The following PNPLA7 variants were observed in gnomAD, a reference collection of about 807,000 sequenced individuals.
The protein encoded by PNPLA7 is patatin-like phospholipase domain-containing protein 7.
In PNPLA7, 153 loss-of-function variants were observed where a neutral mutation model predicts 161.7. The observed-to-expected ratio is 0.95, with a 90% CI of 0.83 to 1.08. PNPLA7 has a LOEUF of 1.08. Ranked by LOEUF, PNPLA7 falls within the 50% of genes least tolerant of loss-of-function variation. The pLI is 0.00. For missense variants in PNPLA7, 1,739 were observed against 1,856.6 expected (o/e 0.94, Z 1.16); for synonymous variants, 809 against 782.1 (o/e 1.03, Z -0.57).
intron 20 of PNPLA7, among the ~76,000 whole-genome samples, chr9:137,489,888 T>C (rs1832683976): frequency 6.6e-6 from 1 of 152,170 alleles, no homozygotes; most frequent in Non-Finnish European, 1.5e-5. Context: ...CTAACACTTG[T>C]GCCACTTTAT....
At chr9:137,463,266 G>A in intron 29 of PNPLA7, 149 bp downstream of exon 29, 1 of 719,024 alleles carries the variant, frequency 1.4e-6, no homozygotes, top group South Asian at 1.8e-5. Context: ...GAGCTCTGAT[G>A]CCAGCCTGAC....
At position 137,467,989 on chromosome 9, in the gene PNPLA7, G is replaced by A. The variant is rs2132084720; in HGVS notation, c.2883-516C>T. ...GTGAGGCTGGGATGGGGAGGAAGGT[G>A]TCCTGAGAGTTGACCGGCATTGGCC... On this transcript the variant is annotated intron_variant, in intron 25 of 34. Transcript: ENST00000406427. This position sits in a 1 kb window ranked among gnomAD's most constrained non-coding sequence, Gnocchi z 5.1. Among the ~76,000 whole-genome samples, 1 of 152,228 alleles carries A rather than the reference G, an allele frequency of 6.6e-6. No individual in the cohort carries two copies. The highest frequency in any genetic ancestry group is 2.1e-4 in the South Asian group (1 of 4,806).
At position 137,523,191 on chromosome 9, in the gene PNPLA7, C is replaced by T. The variant is rs151313096; in HGVS notation, c.748-334G>A. On this transcript the variant is annotated intron_variant, in intron 8 of 34. Coordinates refer to ENST00000406427, the MANE Select transcript of PNPLA7 (RefSeq NM_001098537.3). This position sits in a 1 kb window ranked among gnomAD's most constrained non-coding sequence, Gnocchi z 4.4. ...TGAGGCTCACGGACCAGCTCACCAG[C>T]GTCCTACTCTACGTCCGACATCAGC... Among the ~76,000 whole-genome samples, 3 of 152,330 alleles carry T rather than the reference C, an allele frequency of 2.0e-5. No homozygotes were observed. The highest frequency in any genetic ancestry group is 4.8e-5 in the African/African-American group (2 of 41,572).
At chr9:137,492,948 G>C in intron 20 of PNPLA7, 65 bp downstream of exon 20, 1 of 1,491,880 alleles carries the variant, frequency 6.7e-7, no homozygotes, top group Non-Finnish European at 9.2e-7. Flanking sequence ...CATGGGCTGG[G>C]TGGGCGGGGC....
chr9:137,461,471 C>G, intron 33 of PNPLA7, 65 bp downstream of exon 33: 2 of 1,494,748 alleles, frequency 1.3e-6, no homozygotes, highest in Non-Finnish European at 1.8e-6. Flanking sequence ...TGGGGGGGTT[C>G]AAGCCCAACA....
In PNPLA7 at chr9:137,547,215, G is replaced by A. The variant is rs552462615; in HGVS notation, c.193+94C>T. 1.3e-4 allele frequency: 158 copies of A among 1,236,928 alleles called. No homozygotes were observed. Among genetic ancestry groups the A allele is most frequent in the Middle Eastern group, 1.1e-3 (6 of 5,334 alleles). 76.6% of individuals were successfully genotyped at this position (1,236,928 alleles called of 1,614,324 possible). A position where few individuals can be genotyped will look rare whatever the true frequency, so the allele number is the denominator to read the frequency against. On this transcript the variant is annotated intron_variant, in intron 3 of 34. Coordinates refer to ENST00000406427, the MANE Select transcript of PNPLA7 (RefSeq NM_001098537.3). This position sits in a 1 kb window ranked among gnomAD's most constrained non-coding sequence, Gnocchi z 4.6. ...CAGATTCTAGCCAAAGCCACCATGC[G>A]CTTGAGGGCCCCTCCCAGGGGCTCA...
rs755659614 is a variant in PNPLA7, at chr9:137,521,624, G to T, written c.957+12C>A. On this transcript the variant is annotated intron_variant, in intron 10 of 34. Coordinates refer to ENST00000406427, the MANE Select transcript of PNPLA7 (RefSeq NM_001098537.3). ...GAGCAGCATGGGGCTTTGTGAGGTG[G>T]TTTTCACTTACAGCGTTGAAGAGCT... 15 of 1,611,846 alleles carry T rather than the reference G, an allele frequency of 9.3e-6. No individual in the cohort carries two copies. Among genetic ancestry groups the T allele is most frequent in the Non-Finnish European group, 1.3e-5 (15 of 1,179,586 alleles).
At chr9:137,501,255 G>A (rs757014728) in intron 15 of PNPLA7, among the ~76,000 whole-genome samples, 7 of 152,184 alleles carry the variant, frequency 4.6e-5, no homozygotes, top group Non-Finnish European at 4.4e-5. Flanking sequence ...GCCTCTGAGG[G>A]GTGGGCTCCT....
At chr9:137,538,160 C>T (rs956261013) in intron 8 of PNPLA7, among the ~76,000 whole-genome samples, 1 of 152,230 alleles carries the variant, frequency 6.6e-6, no homozygotes, top group African/African-American at 2.4e-5. Flanking sequence ...GAGCACCGGC[C>T]TTCTAACGGC....
At chr9:137,489,815 G>C (rs957884618) in intron 20 of PNPLA7, among the ~76,000 whole-genome samples, 1 of 152,058 alleles carries the variant, frequency 6.6e-6, no homozygotes, top group Non-Finnish European at 1.5e-5. Flanking sequence ...ACATCAGAGA[G>C]AGAAAAAAAA....
intron 26 of PNPLA7, among the ~76,000 whole-genome samples, chr9:137,466,366 G>A (rs1286413881): frequency 6.8e-6 from 1 of 146,070 alleles, no homozygotes; most frequent in Non-Finnish European, 1.5e-5. Context: ...TCAGACCCGG[G>A]CACAGATCAG....
At chr9:137,516,377 C>G (rs1275254920) in intron 11 of PNPLA7, 1 of 984,868 alleles carries the variant, frequency 1.0e-6, no homozygotes, top group Non-Finnish European at 1.2e-6. Context: ...TGGACACTGT[C>G]CTTACCTACA....
chr9:137,501,591 C>T (rs1833419800), intron 15 of PNPLA7, 59 bp downstream of exon 15: 2 of 1,529,500 alleles, frequency 1.3e-6, no homozygotes, highest in African/African-American at 1.4e-5. Context: ...TGGTGCTCCA[C>T]TTGGCACTGG....
chr9:137,547,045 G>T lies in PNPLA7; in HGVS notation c.194-136C>A. The T allele has an allele frequency of 1.2e-6, 1 of 834,906 alleles. No homozygotes were observed. The allele number at this position is 834,906 out of a possible 1,614,324, so 51.7% of individuals were successfully genotyped here. A position where few individuals can be genotyped will look rare whatever the true frequency, so the allele number is the denominator to read the frequency against. Reference sequence around the variant, plus strand: ...ATACTCAGACAGCATGAGGGAAGAGGGCCTGAGTGACAGGCTCATCTCCAA... The same window carrying T: ...ATACTCAGACAGCATGAGGGAAGAGTGCCTGAGTGACAGGCTCATCTCCAA... On this transcript the variant is annotated intron_variant, in intron 3 of 34. Transcript: ENST00000406427. The surrounding 1 kb of genome is among the most constrained non-coding windows in gnomAD (Gnocchi z 4.6).
chr9:137,529,897 G>C (rs959455032), intron 8 of PNPLA7, among the ~76,000 whole-genome samples: 1 of 151,708 alleles, frequency 6.6e-6, no homozygotes, highest in Admixed American at 6.6e-5. Context: ...GACCTCATGT[G>C]ATCCGCCCGC....
chr9:137,472,204 G>T (rs890233830), intron 25 of PNPLA7, among the ~76,000 whole-genome samples: 1 of 152,022 alleles, frequency 6.6e-6, no homozygotes, highest in African/African-American at 2.4e-5. Flanking sequence ...TCTGACAGGG[G>T]CCTCAGCAGT....
Position 137,519,938 on chromosome 9 carries a change from G to A in PNPLA7, c.1063C>T (p.Leu355Phe), listed in dbSNP as rs780703187. ...EEERLKKPPR[L>F]QESCDSDHGG... is the part of the protein sequence containing the mutation. Reference sequence around the variant, plus strand: ...GTACCTGAGTCACAGGACTCCTGGAGCCGCGGTGGCTTTTTAAGCCGCTCT... The same window carrying A: ...GTACCTGAGTCACAGGACTCCTGGAACCGCGGTGGCTTTTTAAGCCGCTCT... Residue 355 changes from leucine (L) to phenylalanine (F), a missense_variant, in exon 11 of 35, where the codon CTC becomes TTC. Leu to Phe is a conservative substitution (Grantham distance 22). This residue lies in a region of PNPLA7 where 481 missense variants were observed against 450.0 expected (regional missense o/e 1.07). Coordinates refer to ENST00000406427, the MANE Select transcript of PNPLA7 (RefSeq NM_001098537.3). 2 of 1,612,618 alleles carry A rather than the reference G, an allele frequency of 1.2e-6. No homozygotes were observed. Among genetic ancestry groups the A allele is most frequent in the Non-Finnish European group, 1.7e-6 (2 of 1,179,854 alleles).
chr9:137,522,241 A>AT (rs1325186120), intron 9 of PNPLA7, among the ~76,000 whole-genome samples: 1 of 152,116 alleles, frequency 6.6e-6, no homozygotes, highest in Admixed American at 6.5e-5. Flanking sequence ...CGCCTGGCTA[A>AT]TTTTTTGTAT....
At chr9:137,497,155 TG>T (rs1466727474) in intron 18 of PNPLA7, 31 bp downstream of exon 18, 11 of 1,513,514 alleles carry the variant, frequency 7.3e-6, no homozygotes, top group Admixed American at 2.1e-5. Flanking sequence ...GATGCAGAGG[TG>T]GGGGAGGCAG....
Sources: allele counts gnomAD v4.1 joint callset (sites outside exome capture counted in the v4.1 genomes callset), GRCh38; gene constraint gnomAD v4.1.1; regional missense constraint gnomAD v4.1.1; non-coding constraint Gnocchi (gnomAD v3.1); transcripts MANE v1.5; gene names NCBI Gene and HGNC (gene_info 2026-07-23, HGNC 2026-07-21).